PDE4D: variants seen among roughly 807,000 people sequenced by gnomAD.
PDE4D encodes the protein phosphodiesterase 4D, also known as 3',5'-cyclic-AMP phosphodiesterase 4D.
A neutral mutation model predicts 87.4 loss-of-function variants in PDE4D; 24 were observed. The observed-to-expected ratio is 0.27, with a 90% CI of 0.20 to 0.39. The LOEUF (loss-of-function observed/expected upper bound fraction) is 0.39, where lower values mean the gene tolerates loss of function less well. Ranked by LOEUF, PDE4D falls within the 10% of genes least tolerant of loss-of-function variation. The probability of loss-of-function intolerance (pLI) is 1.00; values close to 1 mark genes in which losing one functional copy is unlikely to be tolerated. For synonymous variants in PDE4D, 384 were observed against 383.2 expected (o/e 1.00, Z -0.02); for missense variants, 714 against 1,041.0 (o/e 0.69, Z 4.32).
At chr5:59,885,899 T>G (rs757498210) in intron 1 of PDE4D, among the ~76,000 whole-genome samples, 1 of 152,220 alleles carries the variant, frequency 6.6e-6, no homozygotes, top group Non-Finnish European at 1.5e-5. Flanking sequence ...CTAGACCTTT[T>G]TGGCTCAAGT....
intron 2 of PDE4D, among the ~76,000 whole-genome samples, chr5:60,112,124 C>T (rs1777745665): frequency 1.3e-5 from 2 of 152,020 alleles, no homozygotes; most frequent in Admixed American, 1.3e-4. Context: ...CAGGTAAAGC[C>T]TTCAATCAAT....
At chr5:59,187,295 T>G (rs1350533944) in intron 3 of PDE4D, among the ~76,000 whole-genome samples, 1 of 152,148 alleles carries the variant, frequency 6.6e-6, no homozygotes, top group Admixed American at 6.5e-5. Flanking sequence ...TCTTTGTTTT[T>G]AGTTTAAAAT....
At chr5:59,539,348 C>T (rs776053149) in intron 1 of PDE4D, among the ~76,000 whole-genome samples, 7 of 152,124 alleles carry the variant, frequency 4.6e-5, no homozygotes, top group East Asian at 1.9e-4. Context: ...CTTATTACAA[C>T]GTACCTCCCT....
At chr5:59,205,326 T>C (rs1030034529) in intron 2 of PDE4D, among the ~76,000 whole-genome samples, 6 of 152,170 alleles carry the variant, frequency 3.9e-5, no homozygotes, top group African/African-American at 7.2e-5. Context: ...GATGGGTAAT[T>C]CCTTGTTAAT....
At chr5:59,131,597 AACAC>A (rs34161581) in intron 5 of PDE4D, among the ~76,000 whole-genome samples, 3,180 of 118,116 alleles carry the variant, frequency 0.027, 46 homozygotes, top group South Asian at 0.082. Context: ...GCCAATTTAA[AACAC>A]ACACACACAC....
chr5:60,341,047 C>A (rs191259758), intron 1 of PDE4D, among the ~76,000 whole-genome samples: 2 of 152,080 alleles, frequency 1.3e-5, no homozygotes, highest in Admixed American at 6.6e-5. Context: ...AAATGGAAGT[C>A]GAGTCAGACT....
chr5:60,130,668 A>G (rs1342919589), intron 2 of PDE4D, among the ~76,000 whole-genome samples: 2 of 152,194 alleles, frequency 1.3e-5, no homozygotes, highest in Admixed American at 6.5e-5. Flanking sequence ...ACATCCACTG[A>G]GCCTCTAGAC....
At chr5:59,748,451 C>A (rs925119819) in intron 1 of PDE4D, among the ~76,000 whole-genome samples, 1 of 152,110 alleles carries the variant, frequency 6.6e-6, no homozygotes, top group Non-Finnish European at 1.5e-5. Flanking sequence ...CACATATACA[C>A]CATGAAATAC....
chr5:59,660,896 C>A (rs574132272), intron 1 of PDE4D, among the ~76,000 whole-genome samples: 5 of 151,900 alleles, frequency 3.3e-5, no homozygotes, highest in Middle Eastern at 3.4e-3. Context: ...TTTAAAAATA[C>A]CACTCATTAT....
In PDE4D at chr5:60,377,267, C is replaced by T. The variant is rs150799609; in HGVS notation, c.-90+110675G>A. ...ATCTGACTTGGACCTCACTACTGAACCCCCAGTATCTAGCACAGAGTCAGC... is the reference window on the plus strand; with the variant it reads ...ATCTGACTTGGACCTCACTACTGAATCCCCAGTATCTAGCACAGAGTCAGC... On this transcript the variant is annotated intron_variant, in intron 1 of 16. Coordinates refer to the PDE4D transcript ENST00000502484. 4.0e-3 allele frequency among the ~76,000 whole-genome samples: 607 copies of T among 152,264 alleles called. 3 individuals are homozygous for T. The highest frequency in any genetic ancestry group is 6.8e-3 in the Middle Eastern group (2 of 294).
chr5:60,110,220 C>A (rs1777531818), intron 2 of PDE4D, among the ~76,000 whole-genome samples: 1 of 151,986 alleles, frequency 6.6e-6, no homozygotes, highest in African/African-American at 2.4e-5. Flanking sequence ...AAACAATCAA[C>A]AGTGTGAAGA....
intron 1 of PDE4D, among the ~76,000 whole-genome samples, chr5:60,322,115 C>G (rs1437024840): frequency 6.6e-6 from 1 of 151,974 alleles, no homozygotes; most frequent in Non-Finnish European, 1.5e-5. Context: ...ATATGTTCAT[C>G]ACAGCACTAT....
intron 1 of PDE4D, among the ~76,000 whole-genome samples, chr5:59,297,861 A>T (rs1468627976): frequency 6.6e-6 from 1 of 152,178 alleles, no homozygotes; most frequent in African/African-American, 2.4e-5. Context: ...CTTGAGAAGA[A>T]TGGCATAGAC....
chr5:60,327,663 G>A (rs6875020), intron 1 of PDE4D, among the ~76,000 whole-genome samples: 1 of 151,948 alleles, frequency 6.6e-6, no homozygotes, highest in African/African-American at 2.4e-5. Context: ...CTACAAAAAT[G>A]TTTCTACCAG....
At chr5:59,225,321 T>C (rs1173195291) in intron 1 of PDE4D, among the ~76,000 whole-genome samples, 1 of 152,222 alleles carries the variant, frequency 6.6e-6, no homozygotes, top group African/African-American at 2.4e-5. Flanking sequence ...TGTGTATGTG[T>C]GAGTTTATTT....
At chr5:59,031,371 ATATATATATATATATATATAT>A (rs1460140995) in intron 6 of PDE4D, among the ~76,000 whole-genome samples, 3 of 32,550 alleles carry the variant, frequency 9.2e-5, no homozygotes, top group African/African-American at 1.7e-4. Context: ...TGATATATAT[ATATATATATATATATATATAT>A]TATATATATA....
intron 5 of PDE4D, among the ~76,000 whole-genome samples, chr5:59,155,060 T>C (rs917290703): frequency 6.6e-6 from 1 of 152,192 alleles, no homozygotes; most frequent in African/African-American, 2.4e-5. Context: ...TCAATGGACA[T>C]TGGGCTTTTG....
intron 1 of PDE4D, among the ~76,000 whole-genome samples, chr5:59,385,784 T>C (rs1786853731): frequency 6.6e-6 from 1 of 152,148 alleles, no homozygotes; most frequent in South Asian, 2.1e-4. Context: ...TTTAACCCTG[T>C]TCCTACTCTT....
intron 3 of PDE4D, among the ~76,000 whole-genome samples, chr5:59,917,365 GTC>G (rs1350404119): frequency 5.3e-5 from 8 of 152,084 alleles, no homozygotes; most frequent in Admixed American, 2.6e-4. Context: ...AAACCAGAGA[GTC>G]TATGGATCAA....
Sources: gnomAD v4.1 joint callset for allele counts (sites outside exome capture counted in the v4.1 genomes callset) on GRCh38, gnomAD v4.1.1 for gene constraint, MANE v1.5 for transcripts, NCBI Gene and HGNC (gene_info 2026-07-23, HGNC 2026-07-21) for gene names.